The following SEMA3C variants were observed in gnomAD, a reference collection of about 807,000 sequenced individuals.
SEMA3C encodes the protein semaphorin-3C.
Under a neutral mutation model 89.4 loss-of-function variants are expected in SEMA3C, and 47 were observed. That is an observed-to-expected ratio of 0.53 (90% confidence interval 0.42 to 0.67). The LOEUF (loss-of-function observed/expected upper bound fraction) is 0.67, where lower values mean the gene tolerates loss of function less well. Among genes scored for constraint, SEMA3C ranks in the 30% least tolerant of loss-of-function variants. The pLI, the probability that SEMA3C is intolerant of heterozygous loss-of-function variation, is 0.00. For missense variants in SEMA3C, 839 were observed against 929.1 expected, an observed-to-expected ratio of 0.90 and a Z score of 1.26; for synonymous variants, 310 against 320.2, an observed-to-expected ratio of 0.97 and a Z score of 0.34.
chr7:80,751,223 G>T, intron 16 of SEMA3C, 46 bp downstream of exon 16: 1 of 1,434,540 alleles, frequency 7.0e-7, no homozygotes, highest in Non-Finnish European at 9.8e-7. Context: ...GTGATACGGA[G>T]CATTGCTACT....
intron 5 of SEMA3C, among the ~76,000 whole-genome samples, chr7:80,817,157 T>A (rs1789626879): frequency 6.6e-6 from 1 of 152,192 alleles, no homozygotes; most frequent in East Asian, 1.9e-4. Context: ...TTGAACCACA[T>A]TAAAAAATGT....
At chr7:80,872,366 T>C (rs1246634078) in intron 2 of SEMA3C, among the ~76,000 whole-genome samples, 2 of 152,040 alleles carry the variant, frequency 1.3e-5, no homozygotes, top group Admixed American at 1.3e-4. Flanking sequence ...TTGGCCAGGC[T>C]GGTCTCAAAC....
chr7:80,858,735 T>A (rs1790701081), intron 2 of SEMA3C, among the ~76,000 whole-genome samples: 1 of 152,190 alleles, frequency 6.6e-6, no homozygotes, highest in East Asian at 1.9e-4. Context: ...TCAAAATGCA[T>A]ACATATTAGA....
At chr7:80,859,607 C>A (rs917768518) in intron 2 of SEMA3C, among the ~76,000 whole-genome samples, 2 of 152,172 alleles carry the variant, frequency 1.3e-5, no homozygotes, top group African/African-American at 4.8e-5. Context: ...TTAAGTCAAA[C>A]GCAAAGTTTA....
At chr7:80,874,447 G>GTTAGTTATTTATTTATTTAT (rs71520708) in intron 2 of SEMA3C, among the ~76,000 whole-genome samples, 1 of 146,518 alleles carries the variant, frequency 6.8e-6, no homozygotes, top group African/African-American at 2.5e-5. Context: ...ACCATAGCAA[G>GTTAGTTATTTATTTATTTAT]TTATTTATTT....
At chr7:80,773,779 C>T (rs1035613737) in intron 12 of SEMA3C, among the ~76,000 whole-genome samples, 16 of 152,134 alleles carry the variant, frequency 1.1e-4, no homozygotes, top group African/African-American at 3.6e-4. Context: ...CAGAAATTCA[C>T]GTGGAAACAC....
intron 2 of SEMA3C, among the ~76,000 whole-genome samples, chr7:80,840,769 C>T (rs573159779): frequency 6.6e-6 from 1 of 152,056 alleles, no homozygotes; most frequent in South Asian, 2.1e-4. Flanking sequence ...CTTGTTTCTC[C>T]ATTCAATAAA....
intron 2 of SEMA3C, among the ~76,000 whole-genome samples, chr7:80,906,975 T>C (rs1025780891): frequency 1.3e-5 from 2 of 152,212 alleles, no homozygotes; most frequent in Non-Finnish European, 2.9e-5. Context: ...AAGGTTATAA[T>C]ACTAGCATAT....
chr7:80,798,317 A>AT, intron 10 of SEMA3C, 81 bp from the exon 11 acceptor site: 5 of 1,181,492 alleles, frequency 4.2e-6, no homozygotes, highest in Non-Finnish European at 5.6e-6. Flanking sequence ...AAAATTTATG[A>AT]TAAAAAGTTA....
Position 80,908,542 on chromosome 7 carries a change from G to A in SEMA3C, c.103+8137C>T, listed in dbSNP as rs1207594605. On this transcript the variant is annotated intron_variant, in intron 2 of 17. Transcript: ENST00000265361. ...CTAGCAACTTGGGTTGCAAGACTTC[G>A]CTGGCTGGAAAAAAAGAAAAGCAGG... is the stretch of plus-strand genomic sequence containing the variant. 2.6e-5 allele frequency among the ~76,000 whole-genome samples: 4 copies of A among 152,042 alleles called. No homozygotes were observed. The East Asian group carries it at 5.8e-4, about 22-fold the overall frequency.
chr7:80,761,437 CT>C (rs1788180388), intron 14 of SEMA3C, among the ~76,000 whole-genome samples, 178 bp downstream of exon 14: 1 of 152,196 alleles, frequency 6.6e-6, no homozygotes, highest in Non-Finnish European at 1.5e-5. Context: ...CCTATTCGGT[CT>C]TTCACTAATA....
chr7:80,875,238 C>T (rs1333394263), intron 2 of SEMA3C, among the ~76,000 whole-genome samples: 2 of 152,098 alleles, frequency 1.3e-5, no homozygotes, highest in East Asian at 1.9e-4. Flanking sequence ...TTCTTAGATG[C>T]TTGTCCCTGC....
At chr7:80,749,170 A>G (rs1309906162) in intron 16 of SEMA3C, 142 bp from the exon 17 acceptor site, 1 of 859,810 alleles carries the variant, frequency 1.2e-6, no homozygotes, top group African/African-American at 1.7e-5. Context: ...AAACAGTGGT[A>G]ATCATTTAAC....
chr7:80,864,256 C>T (rs57535735), intron 2 of SEMA3C, among the ~76,000 whole-genome samples: 4 of 151,052 alleles, frequency 2.6e-5, no homozygotes, highest in Non-Finnish European at 4.4e-5. Flanking sequence ...AGAGTGAGAG[C>T]GGGTGAGGGA....
At chr7:80,897,753 A>C (rs973233317) in intron 2 of SEMA3C, among the ~76,000 whole-genome samples, 3 of 152,232 alleles carry the variant, frequency 2.0e-5, no homozygotes, top group African/African-American at 7.2e-5. Context: ...TTACCATTTA[A>C]AAGATTAAAG....
At chr7:80,776,652 T>C (rs537691232) in intron 12 of SEMA3C, among the ~76,000 whole-genome samples, 2 of 152,218 alleles carry the variant, frequency 1.3e-5, no homozygotes, top group Non-Finnish European at 2.9e-5. Flanking sequence ...AAATTCCAAA[T>C]GAAAGAAATG....
At position 80,788,470 on chromosome 7, in the gene SEMA3C, C is replaced by T. The variant is rs557874925; in HGVS notation, c.1354+836G>A. Among the ~76,000 whole-genome samples, 4 of 152,270 alleles carry T rather than the reference C, an allele frequency of 2.6e-5. No homozygotes were observed. In the South Asian group the frequency reaches 8.3e-4, roughly 32 times the overall value. Reference sequence around the variant, plus strand: ...TGCGAAAACACAGATGAGTGGGTTTCATCCCTAGAATTTTGGAAGAAGCAC... The same window carrying T: ...TGCGAAAACACAGATGAGTGGGTTTTATCCCTAGAATTTTGGAAGAAGCAC... On this transcript the variant is annotated intron_variant, in intron 12 of 17. Coordinates refer to ENST00000265361, the MANE Select transcript of SEMA3C (RefSeq NM_006379.5).
intron 6 of SEMA3C, 141 bp downstream of exon 6, chr7:80,810,470 T>C (rs1348023900): frequency 1.7e-6 from 1 of 576,596 alleles, no homozygotes; most frequent in Non-Finnish European, 3.0e-6. Flanking sequence ...CTGAACTCTC[T>C]ATTTCTCAGC....
chr7:80,864,251 G>A (rs1325817668), intron 2 of SEMA3C, among the ~76,000 whole-genome samples: 1 of 151,536 alleles, frequency 6.6e-6, no homozygotes, highest in Non-Finnish European at 1.5e-5. Flanking sequence ...GGGGAAGAGT[G>A]AGAGCGGGTG....
Sources: gnomAD v4.1 joint callset for allele counts (sites outside exome capture counted in the v4.1 genomes callset) on GRCh38, gnomAD v4.1.1 for gene constraint, MANE v1.5 for transcripts, NCBI Gene and HGNC (gene_info 2026-07-23, HGNC 2026-07-21) for gene names.